RASA1: variants seen among roughly 807,000 people sequenced by gnomAD.
The protein encoded by RASA1 is ras GTPase-activating protein 1.
Under a neutral mutation model 132.2 loss-of-function variants are expected in RASA1, and 25 were observed. That is an observed-to-expected ratio of 0.19 (90% CI 0.14 to 0.26). RASA1 has a LOEUF of 0.26. Among genes scored for constraint, RASA1 ranks in the 10% least tolerant of loss-of-function variants. The pLI is 1.00. For missense variants in RASA1, 964 were observed against 1,299.2 expected, an observed-to-expected ratio of 0.74 and a Z score of 3.97; for synonymous variants, 477 against 449.9, an observed-to-expected ratio of 1.06 and a Z score of -0.76.
intron 1 of RASA1, among the ~76,000 whole-genome samples, chr5:87,325,756 C>G (rs1757185661): frequency 6.6e-6 from 1 of 152,156 alleles, no homozygotes; most frequent in Non-Finnish European, 1.5e-5. Flanking sequence ...TAATGGTTTT[C>G]TGTTGTGTAG....
intron 1 of RASA1, among the ~76,000 whole-genome samples, chr5:87,330,589 A>G (rs1233129014): frequency 1.3e-5 from 2 of 152,170 alleles, no homozygotes; most frequent in Non-Finnish European, 2.9e-5. Context: ...TTCTGTTTAT[A>G]TCAGTCCATG....
rs543290577 is a variant in RASA1, at chr5:87,338,175, A to G, written c.1017+84A>G. On this transcript the variant is annotated intron_variant, in intron 5 of 24. Transcript: ENST00000274376. Reference sequence around the variant, plus strand: ...TTGTCCGTAATCAGAGAAAGTAGCTATGAATACATTTCTTTTATAAAAGAA... The same window carrying G: ...TTGTCCGTAATCAGAGAAAGTAGCTGTGAATACATTTCTTTTATAAAAGAA... 19 of 1,582,956 alleles carry G rather than the reference A, an allele frequency of 1.2e-5. 1 individual carries two copies. The South Asian group carries it at 1.8e-4, about 15-fold the overall frequency.
At chr5:87,301,312 T>G (rs1755350915) in intron 1 of RASA1, among the ~76,000 whole-genome samples, 1 of 152,194 alleles carries the variant, frequency 6.6e-6, no homozygotes, top group Non-Finnish European at 1.5e-5. Context: ...TTTTTCTGTA[T>G]TTAGAATTAC....
Position 87,269,007 on chromosome 5 carries a change from G to T in RASA1, c.539+17G>T. ...AACTAACCAGTAAGTTAAGACTGCTGTTCAGGAATTTGGGAAGCTGGCTCC... is the reference window on the plus strand; with the variant it reads ...AACTAACCAGTAAGTTAAGACTGCTTTTCAGGAATTTGGGAAGCTGGCTCC... On this transcript the variant is annotated intron_variant, in intron 1 of 24. Transcript: ENST00000274376. 1.9e-6 allele frequency: 3 copies of T among 1,614,236 alleles called. No individual in the cohort carries two copies. The highest frequency in any genetic ancestry group is 2.5e-6 in the Non-Finnish European group (3 of 1,180,034).
intron 1 of RASA1, among the ~76,000 whole-genome samples, chr5:87,324,024 A>G (rs1328885592): frequency 6.6e-6 from 1 of 152,188 alleles, no homozygotes; most frequent in Non-Finnish European, 1.5e-5. Flanking sequence ...ATGTAGCACA[A>G]TGCTTGGCAC....
chr5:87,363,040 T>C (rs1474706721), intron 10 of RASA1, among the ~76,000 whole-genome samples: 1 of 151,868 alleles, frequency 6.6e-6, no homozygotes, highest in African/African-American at 2.4e-5. Flanking sequence ...AGTGGAAGAA[T>C]TTTTTCCTTA....
At chr5:87,374,062 T>G in intron 13 of RASA1, 101 bp from the exon 14 acceptor site, 7 of 1,037,786 alleles carry the variant, frequency 6.7e-6, no homozygotes, top group Non-Finnish European at 8.6e-6. Flanking sequence ...GGAAAATAAG[T>G]CATTATTTTT....
chr5:87,386,951 T>C (rs765965088), intron 23 of RASA1, 48 bp downstream of exon 23: 46 of 1,471,718 alleles, frequency 3.1e-5, no homozygotes, highest in Non-Finnish European at 3.7e-5. Context: ...CTAGTTGATA[T>C]AGCTGAGTTA....
At chr5:87,341,478 A>T (rs981998890) in intron 6 of RASA1, among the ~76,000 whole-genome samples, 157 bp downstream of exon 6, 3 of 152,150 alleles carry the variant, frequency 2.0e-5, no homozygotes, top group African/African-American at 7.2e-5. Flanking sequence ...TTTCTTAAGG[A>T]TCTAGTGATA....
chr5:87,281,659 C>T (rs1299343534), intron 1 of RASA1, among the ~76,000 whole-genome samples: 1 of 152,090 alleles, frequency 6.6e-6, no homozygotes. Context: ...CGGCTCACTG[C>T]AACCTCCGCC....
Position 87,361,709 on chromosome 5 carries a change from T to C in RASA1, c.1333-842T>C, listed in dbSNP as rs565384068. Among the ~76,000 whole-genome samples, 45 of 152,264 alleles carry C rather than the reference T, an allele frequency of 3.0e-4. No homozygotes were observed. The Middle Eastern group carries it at 0.017, about 58-fold the overall frequency. ...GTAACATATGCATTCCTAAAAATCATAGCATTATGCAAAATTAGGCAATCA... is the reference window on the plus strand; with the variant it reads ...GTAACATATGCATTCCTAAAAATCACAGCATTATGCAAAATTAGGCAATCA... On this transcript the variant is annotated intron_variant, in intron 9 of 24. Transcript: ENST00000274376.
At chr5:87,315,791 A>G (rs1054423385) in intron 1 of RASA1, among the ~76,000 whole-genome samples, 26 of 152,324 alleles carry the variant, frequency 1.7e-4, no homozygotes, top group African/African-American at 6.3e-4. Context: ...CAGATTAAAT[A>G]CTTCCTAGGA....
intron 1 of RASA1, among the ~76,000 whole-genome samples, chr5:87,315,135 C>T (rs1459156613): frequency 1.3e-5 from 2 of 152,218 alleles, no homozygotes; most frequent in Admixed American, 6.5e-5. Context: ...TACAACACAG[C>T]TTCTATTAAT....
At chr5:87,374,360 A>G (rs1370809719) in intron 14 of RASA1, 40 bp downstream of exon 14, 1 of 1,558,428 alleles carries the variant, frequency 6.4e-7, no homozygotes, top group Non-Finnish European at 8.8e-7. Flanking sequence ...ATTTTCTTTT[A>G]CCATATTGCA....
intron 18 of RASA1, 44 bp from the exon 19 acceptor site, chr5:87,379,691 G>C: frequency 6.2e-7 from 1 of 1,602,222 alleles, no homozygotes; most frequent in South Asian, 1.1e-5. Flanking sequence ...ATTTGCATTT[G>C]TCATTGCCAA....
At chr5:87,274,118 G>A (rs1019429089) in intron 1 of RASA1, among the ~76,000 whole-genome samples, 1 of 152,128 alleles carries the variant, frequency 6.6e-6, no homozygotes, top group African/African-American at 2.4e-5. Context: ...AGTAGCGGTT[G>A]ACCCTTTTAG....
At chr5:87,353,540 C>T (rs1284496252) in intron 9 of RASA1, among the ~76,000 whole-genome samples, 2 of 151,740 alleles carry the variant, frequency 1.3e-5, no homozygotes, top group African/African-American at 2.4e-5. Flanking sequence ...AAACCACAGC[C>T]AGGATTATTA....
Position 87,365,765 on chromosome 5 carries a change from AT to A in RASA1, c.1610+2270del, listed in dbSNP as rs944978349. Among the ~76,000 whole-genome samples, 129 of 151,758 alleles carry A rather than the reference AT, an allele frequency of 8.5e-4. 1 individual carries two copies. The highest frequency in any genetic ancestry group is 1.9e-3 in the African/African-American group (77 of 41,430). Reference sequence around the variant, plus strand: ...TGAAAGAAATACATTTAATTGCTAAATTTTTTTTTAATACTTTGAAACAAAG... The same window carrying A: ...TGAAAGAAATACATTTAATTGCTAAATTTTTTTTAATACTTTGAAACAAAG... On this transcript the variant is annotated intron_variant, in intron 11 of 24. Transcript: ENST00000274376.
chr5:87,287,537 CATATATACACACCAT>C (rs1754685069), intron 1 of RASA1, among the ~76,000 whole-genome samples: 1 of 141,604 alleles, frequency 7.1e-6, no homozygotes, highest in Non-Finnish European at 1.5e-5. Context: ...ATATATATAC[CATATATACACACCAT>C]ATATATACAC....
Sources: allele counts gnomAD v4.1 joint callset (sites outside exome capture counted in the v4.1 genomes callset), GRCh38; gene constraint gnomAD v4.1.1; transcripts MANE v1.5; gene names NCBI Gene and HGNC (gene_info 2026-07-23, HGNC 2026-07-21).